Variants in APC observed in about 807,000 individuals in gnomAD.
APC encodes the protein adenomatous polyposis coli protein.
In APC, 72 loss-of-function variants were observed where a neutral mutation model predicts 247.0. That is an observed-to-expected ratio of 0.29 (90% CI 0.24 to 0.35). The LOEUF (loss-of-function observed/expected upper bound fraction) is 0.35. Ranked by LOEUF, APC falls within the 10% of genes least tolerant of loss-of-function variation. The probability of loss-of-function intolerance (pLI) is 1.00; values close to 1 mark genes in which losing one functional copy is unlikely to be tolerated. For missense variants in APC, 3,400 were observed against 3,360.7 expected (o/e 1.01, Z -0.29); for synonymous variants, 1,254 against 1,162.5 (o/e 1.08, Z -1.60).
chr5:112,827,936 T>TA lies in APC; in HGVS notation c.1557dup (p.Cys520MetfsTer17). 6.2e-7 allele frequency: 1 copy of TA among 1,613,148 alleles called. No homozygotes were observed. The highest frequency in any genetic ancestry group is 8.5e-7 in the Non-Finnish European group (1 of 1,179,598). On this transcript the variant is annotated frameshift_variant, in exon 13 of 16. Transcript: ENST00000257430. LOFTEE classifies it high-confidence loss of function. ...TCTGTATTTAATTTACAGGCTACGC[T>TA]ATGCTCTATGAAAGGCTGCATGAGA...
intron 1 of APC, among the ~76,000 whole-genome samples, chr5:112,711,019 A>G (rs1750818059): frequency 6.6e-6 from 1 of 152,196 alleles, no homozygotes; most frequent in Non-Finnish European, 1.5e-5. Context: ...CACCAAATCC[A>G]ATGACGTTTC....
chr5:112,822,880 A>G (rs1010364900), intron 11 of APC, among the ~76,000 whole-genome samples: 1 of 152,182 alleles, frequency 6.6e-6, no homozygotes, highest in Non-Finnish European at 1.5e-5. Flanking sequence ...AGACTCTTAC[A>G]CAGAGAACCT....
intron 1 of APC, among the ~76,000 whole-genome samples, chr5:112,754,359 A>T (rs1754717500): frequency 1.3e-5 from 2 of 152,220 alleles, no homozygotes. Context: ...GAACTTCAGA[A>T]CTATTTCACC....
chr5:112,793,309 C>T (rs1190638960), intron 7 of APC, among the ~76,000 whole-genome samples: 1 of 152,086 alleles, frequency 6.6e-6, no homozygotes, highest in Non-Finnish European at 1.5e-5. Context: ...CACTGAATTA[C>T]ATGAAAATTT....
At chr5:112,783,283 A>G (rs1055811025) in intron 6 of APC, among the ~76,000 whole-genome samples, 4 of 152,182 alleles carry the variant, frequency 2.6e-5, no homozygotes. Flanking sequence ...TTATTCTGGA[A>G]TGCCGTATCC....
intron 3 of APC, among the ~76,000 whole-genome samples, chr5:112,766,734 A>G (rs2149785956): frequency 6.6e-6 from 1 of 152,290 alleles, no homozygotes. Context: ...CATAGACTTG[A>G]GCCTACTGTT....
rs2149629847 is a variant in APC at position 112,707,623 on chromosome 5, C to G, written c.-95C>G. ...CGGGCTCAGGCCCGGGAGCTGCGGA[C>G]CGAGGTTGGCTCGATGCTGTTCCCA... On this transcript the variant is annotated 5_prime_UTR_variant, in exon 1 of 14. Transcript: ENST00000507379. The G allele has an allele frequency of 7.7e-7, 1 of 1,295,594 alleles. No individual in the cohort carries two copies. The highest frequency in any genetic ancestry group is 1.0e-6 in the Non-Finnish European group (1 of 975,780). The allele number at this position is 1,295,594 out of a possible 1,614,324, so 80.3% of individuals were successfully genotyped here.
In APC at chr5:112,840,385, T is replaced by C; in HGVS notation, c.4791T>C (p.Thr1597=). Reference sequence around the variant, plus strand: ...GTAAAGCAAAAAAGCCAGCCCAGACTGCTTCAAAATTACCTCCACCTGTGG... The same window carrying C: ...GTAAAGCAAAAAAGCCAGCCCAGACCGCTTCAAAATTACCTCCACCTGTGG... ...SSRKAKKPAQ[T]ASKLPPPVAR... is the part of the protein sequence containing the mutation. Residue 1597 remains threonine, a synonymous_variant, in exon 16 of 16, where the codon ACT becomes ACC. Transcript: ENST00000257430. This position sits in a 1 kb window ranked among gnomAD's most constrained non-coding sequence, Gnocchi z 4.1. 1.2e-6 allele frequency: 2 copies of C among 1,614,192 alleles called. No individual in the cohort carries two copies. Among genetic ancestry groups the C allele is most frequent in the Non-Finnish European group, 1.7e-6 (2 of 1,180,026 alleles).
At chr5:112,755,672 C>A (rs1754891159) in intron 2 of APC, among the ~76,000 whole-genome samples, 1 of 152,190 alleles carries the variant, frequency 6.6e-6, no homozygotes, top group South Asian at 2.1e-4. Flanking sequence ...ACCTCCAAGA[C>A]AGGTTAGAAA....
At chr5:112,786,628 C>G (rs1758981904) in intron 6 of APC, among the ~76,000 whole-genome samples, 1 of 152,136 alleles carries the variant, frequency 6.6e-6, no homozygotes, top group Non-Finnish European at 1.5e-5. Context: ...TGTAGTTTAT[C>G]TCCTCCCTAG....
rs587782711 is a variant in APC, at chr5:112,842,726, C to T, written c.7132C>T (p.Leu2378Phe). Residue 2378 changes from leucine to phenylalanine, a missense_variant, in exon 16 of 16, where the codon CTT becomes TTT. Leu to Phe is a conservative substitution (Grantham distance 22). Coordinates refer to ENST00000257430, the MANE Select transcript of APC (RefSeq NM_000038.6). ...AGGTAGACAGATGAGCCAACAGAAC[C>T]TTACCAAACAAACAGGTTTATCCAA... is the stretch of plus-strand genomic sequence containing the variant. ...SPGRQMSQQN[L>F]TKQTGLSKNA... is the part of the protein sequence containing the mutation. 6.2e-7 allele frequency: 1 copy of T among 1,613,954 alleles called. No individual in the cohort carries two copies. The highest frequency in any genetic ancestry group is 8.5e-7 in the Non-Finnish European group (1 of 1,179,862).
rs1762869952 is a variant in APC, at chr5:112,819,320, G to T, written c.1288G>T (p.Gly430Cys). 6.2e-7 allele frequency: 1 copy of T among 1,614,016 alleles called. No individual in the cohort carries two copies. Among genetic ancestry groups the T allele is most frequent in the East Asian group, 2.2e-5 (1 of 44,868 alleles). Residue 430 changes from glycine (G) to cysteine (C), a missense_variant, in exon 10 of 16, where the codon GGC becomes TGC. By Grantham distance (159) the Gly-to-Cys change is radical. Around this residue, in one of 9 missense-constraint regions of APC, gnomAD observed 199 missense variants for 212.5 expected, o/e 0.94. Transcript: ENST00000257430. ...CWEWQEAHEP[G>C]MDQDKNPMPA... ...GGAGTGGCAGGAAGCTCATGAACCA[G>T]GCATGGACCAGGACAAAAATCCAAG...
intron 1 of APC, among the ~76,000 whole-genome samples, chr5:112,718,420 T>TTTCCTTCTGGTTCC (rs1751299552): frequency 6.6e-6 from 1 of 152,204 alleles, no homozygotes; most frequent in African/African-American, 2.4e-5. Flanking sequence ...CAGTCCATGG[T>TTTCCTTCTGGTTCC]TTCCTTCTGG....
rs77263155 is a variant in APC, at chr5:112,831,371, T to G, written c.1743+2399T>G. ...ACCCGCCTGCCTTGGCCTTCCAAAGTGCTGGGATTACAGGCATGATATAAT... is the reference window on the plus strand; with the variant it reads ...ACCCGCCTGCCTTGGCCTTCCAAAGGGCTGGGATTACAGGCATGATATAAT... On this transcript the variant is annotated intron_variant, in intron 14 of 15. Coordinates refer to ENST00000257430, the MANE Select transcript of APC (RefSeq NM_000038.6). Among the ~76,000 whole-genome samples, 1 of 152,198 alleles carries G rather than the reference T, an allele frequency of 6.6e-6. No homozygotes were observed. Among genetic ancestry groups the G allele is most frequent in the Admixed American group, 6.5e-5 (1 of 15,268 alleles).
At chr5:112,751,644 A>G (rs796859964) in intron 1 of APC, among the ~76,000 whole-genome samples, 2 of 152,006 alleles carry the variant, frequency 1.3e-5, no homozygotes, top group African/African-American at 4.8e-5. Flanking sequence ...TGATTTCTGT[A>G]TATTTTGTAC....
In APC at chr5:112,738,529, T is replaced by C. The variant is rs997725400; in HGVS notation, c.-19+604T>C. ...GTCACCAGTAGTGTGCCTGCTTTTG[T>C]AAAACATCTAAGTAAACTCCCTGTG... On this transcript the variant is annotated intron_variant, in intron 1 of 15. Transcript: ENST00000257430. The C allele has an allele frequency of 5.7e-5, 56 of 979,954 alleles. No individual in the cohort carries two copies. In the South Asian group the frequency reaches 2.2e-3, roughly 39 times the overall value. 60.7% of individuals were successfully genotyped at this position (979,954 alleles called of 1,614,324 possible).
intron 1 of APC, among the ~76,000 whole-genome samples, chr5:112,718,833 A>G (rs967622685): frequency 5.3e-5 from 8 of 152,162 alleles, no homozygotes; most frequent in African/African-American, 1.9e-4. Context: ...ACTTGTTCAG[A>G]AAGACTGGAA....
At chr5:112,729,684 C>T (rs1183781603) in intron 1 of APC, among the ~76,000 whole-genome samples, 3 of 152,164 alleles carry the variant, frequency 2.0e-5, no homozygotes, top group Non-Finnish European at 4.4e-5. Context: ...ATTGGGTCTA[C>T]CCAGGATAAT....
intron 2 of APC, among the ~76,000 whole-genome samples, chr5:112,758,286 C>A (rs1246941542): frequency 6.6e-6 from 1 of 151,586 alleles, no homozygotes; most frequent in African/African-American, 2.4e-5. Flanking sequence ...TGGCTAGAGC[C>A]CTCCCCCCAA....
Sources: allele counts gnomAD v4.1 joint callset (sites outside exome capture counted in the v4.1 genomes callset), GRCh38; gene constraint gnomAD v4.1.1; regional missense constraint gnomAD v4.1.1; non-coding constraint Gnocchi (gnomAD v3.1); transcripts MANE v1.5; gene names NCBI Gene and HGNC (gene_info 2026-07-23, HGNC 2026-07-21).